Variants in FBXO4 observed in about 807,000 individuals in gnomAD.
FBXO4 encodes F-box protein 4.
A neutral mutation model predicts 43.7 loss-of-function variants in FBXO4; 36 were observed. The observed-to-expected ratio is 0.82, with a 90% CI of 0.63 to 1.09. The LOEUF (loss-of-function observed/expected upper bound fraction) is 1.09, where lower values mean the gene tolerates loss of function less well. Ranked by LOEUF, FBXO4 falls within the 50% of genes least tolerant of loss-of-function variation. FBXO4 has a pLI of 0.00. For synonymous variants in FBXO4, 180 were observed against 165.6 expected, an observed-to-expected ratio of 1.09 and a Z score of -0.67; for missense variants, 435 against 474.1, an observed-to-expected ratio of 0.92 and a Z score of 0.77.
the FBXO4 span, among the ~76,000 whole-genome samples, chr5:41,983,574 T>C: frequency 2.0e-5 from 3 of 152,166 alleles, no homozygotes; most frequent in Non-Finnish European, 4.4e-5. Context: ...ATAACTTAAT[T>C]ATTTAACTGA....
chr5:41,965,386 T>A, the FBXO4 span, among the ~76,000 whole-genome samples: 3 of 152,214 alleles, frequency 2.0e-5, no homozygotes, highest in Non-Finnish European at 4.4e-5. Context: ...TGGTTCCATA[T>A]GAACTTTAAA....
At chr5:41,931,510 G>A (rs1326858061) in intron 3 of FBXO4, among the ~76,000 whole-genome samples, 1 of 152,226 alleles carries the variant, frequency 6.6e-6, no homozygotes, top group Admixed American at 6.5e-5. Context: ...GAAGATCCAA[G>A]TAGAGATACC....
chr5:41,939,212 T>G (rs886305485), intron 5 of FBXO4: 2 of 368,960 alleles, frequency 5.4e-6, no homozygotes, highest in African/African-American at 2.1e-5. Context: ...GTAAGCCCTT[T>G]GAATGAAAGG....
At chr5:42,033,712 A>G in the FBXO4 span, among the ~76,000 whole-genome samples, 432 of 152,198 alleles carry the variant, frequency 2.8e-3, 3 homozygotes, top group Middle Eastern at 6.8e-3. Flanking sequence ...ATATTATCTC[A>G]TTCTTTTTAT....
chr5:42,027,332 G>C, the FBXO4 span, among the ~76,000 whole-genome samples: 2 of 134,342 alleles, frequency 1.5e-5, no homozygotes, highest in African/African-American at 6.2e-5. Flanking sequence ...TTAACTATGA[G>C]CATACAGTTG....
At chr5:41,977,043 GC>G in the FBXO4 span, among the ~76,000 whole-genome samples, 1 of 152,214 alleles carries the variant, frequency 6.6e-6, no homozygotes, top group East Asian at 1.9e-4. Context: ...GTCCTGTTGA[GC>G]TAGAGCTGCT....
In FBXO4 at chr5:41,927,054, T is replaced by C. The variant is rs763778498; in HGVS notation, c.231T>C (p.His77=). The change falls in exon 2 of 7, where the codon CAT becomes CAC. Residue 77 remains histidine (H), a synonymous_variant. Transcript: ENST00000281623. The part of the protein sequence containing the change: ...QLYILSFLSP[H]DLCQLGSTNH... ...ATATTTTGTCCTTTCTTTCACCTCA[T>C]GATCTGTGTCAGTTGGGAAGTACAA... The C allele has an allele frequency of 1.9e-6, 3 of 1,612,382 alleles. No individual in the cohort carries two copies. Among genetic ancestry groups the C allele is most frequent in the Non-Finnish European group, 2.5e-6 (3 of 1,178,720 alleles).
chr5:41,972,970 A>G, the FBXO4 span, among the ~76,000 whole-genome samples: 2 of 152,142 alleles, frequency 1.3e-5, no homozygotes, highest in Non-Finnish European at 2.9e-5. Flanking sequence ...TAAAAACCCC[A>G]AGAAGAAAAC....
At chr5:42,027,782 G>A in the FBXO4 span, among the ~76,000 whole-genome samples, 2,435 of 151,226 alleles carry the variant, frequency 0.016, 120 homozygotes, top group East Asian at 0.1. Context: ...TAACTTATTC[G>A]TTGACCCACT....
chr5:41,999,536 CATATATATGTATATATAT>C, the FBXO4 span, among the ~76,000 whole-genome samples: 60 of 79,882 alleles, frequency 7.5e-4, 1 homozygote, highest in South Asian at 1.0e-3. Context: ...TATATATATA[CATATATATGTATATATAT>C]ATATATATGT....
At chr5:41,952,355 A>G in the FBXO4 span, among the ~76,000 whole-genome samples, 2 of 152,208 alleles carry the variant, frequency 1.3e-5, no homozygotes, top group Non-Finnish European at 2.9e-5. Flanking sequence ...CTTGAGTAGG[A>G]ATTTGTTGTT....
At chr5:42,003,809 C>A in the FBXO4 span, among the ~76,000 whole-genome samples, 10 of 152,118 alleles carry the variant, frequency 6.6e-5, no homozygotes, top group South Asian at 1.9e-3. Flanking sequence ...TTGTGGAAGA[C>A]AGTGTGGTGA....
the FBXO4 span, among the ~76,000 whole-genome samples, chr5:41,972,453 C>T: frequency 6.6e-6 from 1 of 152,050 alleles, no homozygotes; most frequent in Non-Finnish European, 1.5e-5. Flanking sequence ...AGAGATAATA[C>T]AAACAAATGG....
the FBXO4 span, among the ~76,000 whole-genome samples, chr5:41,998,552 C>T: frequency 6.6e-6 from 1 of 152,172 alleles, no homozygotes; most frequent in Non-Finnish European, 1.5e-5. Context: ...ATTATTAGAA[C>T]CTTTTGTAAC....
At chr5:42,005,976 C>T in the FBXO4 span, among the ~76,000 whole-genome samples, 1 of 152,122 alleles carries the variant, frequency 6.6e-6, no homozygotes, top group South Asian at 2.1e-4. Context: ...AGCCCTGCCT[C>T]TCTTCCCCTC....
At chr5:41,939,884 T>C (rs975840712) in intron 6 of FBXO4, among the ~76,000 whole-genome samples, 3 of 148,404 alleles carry the variant, frequency 2.0e-5, no homozygotes, top group African/African-American at 7.5e-5. Flanking sequence ...GGGTCTCACT[T>C]TGTTGCTCAG....
At chr5:41,977,945 C>T in the FBXO4 span, among the ~76,000 whole-genome samples, 11 of 152,252 alleles carry the variant, frequency 7.2e-5, no homozygotes, top group Non-Finnish European at 1.3e-4. Context: ...TGTATTAGTC[C>T]ATTCTTGTGT....
chr5:41,967,573 T>G, the FBXO4 span: 1 of 1,103,044 alleles, frequency 9.1e-7, no homozygotes, highest in African/African-American at 1.5e-5. Flanking sequence ...CAATAGGCAT[T>G]ACAACATTTT....
the FBXO4 span, among the ~76,000 whole-genome samples, chr5:42,005,482 C>T: frequency 7.2e-5 from 11 of 152,082 alleles, no homozygotes; most frequent in African/African-American, 2.7e-4. Context: ...TTATATTTTT[C>T]CTTTCTCCAC....
Sources: gnomAD v4.1 joint callset for allele counts (sites outside exome capture counted in the v4.1 genomes callset) on GRCh38, gnomAD v4.1.1 for gene constraint, MANE v1.5 for transcripts, NCBI Gene and HGNC (gene_info 2026-07-23, HGNC 2026-07-21) for gene names.